Variants in UBASH3B observed in about 807,000 individuals in gnomAD.
The protein encoded by UBASH3B is ubiquitin-associated and SH3 domain-containing protein B.
Under a neutral mutation model 83.4 loss-of-function variants are expected in UBASH3B, and 37 were observed. The observed-to-expected ratio is 0.44, with a 90% CI of 0.34 to 0.58. UBASH3B has a LOEUF of 0.58. UBASH3B is among the 20% of genes least tolerant of loss of function. The pLI, the probability that UBASH3B is intolerant of heterozygous loss-of-function variation, is 0.01. For missense variants in UBASH3B, 657 were observed against 827.2 expected (o/e 0.79, Z 2.52); for synonymous variants, 304 against 318.3 (o/e 0.96, Z 0.48).
At chr11:122,798,760 T>C (rs925870164) in intron 9 of UBASH3B, among the ~76,000 whole-genome samples, 182 bp from the exon 10 acceptor site, 5 of 150,278 alleles carry the variant, frequency 3.3e-5, no homozygotes, top group African/African-American at 7.3e-5. Context: ...CTTGCTCTCA[T>C]AGGAACGCCG....
intron 1 of UBASH3B, among the ~76,000 whole-genome samples, chr11:122,656,477 C>T (rs1863365528): frequency 6.6e-6 from 1 of 152,084 alleles, no homozygotes; most frequent in African/African-American, 2.4e-5. Context: ...GTTCGAGTCC[C>T]GGGTATAGTG....
At chr11:122,767,070 G>A (rs979008947) in intron 1 of UBASH3B, among the ~76,000 whole-genome samples, 1 of 152,104 alleles carries the variant, frequency 6.6e-6, no homozygotes, top group African/African-American at 2.4e-5. Context: ...ACGAGGTCAC[G>A]AGATCGAGAC....
At chr11:122,703,228 G>A (rs551175041) in intron 1 of UBASH3B, among the ~76,000 whole-genome samples, 2 of 151,924 alleles carry the variant, frequency 1.3e-5, no homozygotes, top group African/African-American at 4.8e-5. Flanking sequence ...GAGATTGAGA[G>A]CATCCTGGCT....
At chr11:122,722,198 C>G (rs907461234) in intron 1 of UBASH3B, among the ~76,000 whole-genome samples, 4 of 152,178 alleles carry the variant, frequency 2.6e-5, no homozygotes, top group Non-Finnish European at 5.9e-5. Flanking sequence ...CTGAAGGCTG[C>G]CCTTGGTGGA....
At chr11:122,675,507 C>T (rs1863656131) in intron 1 of UBASH3B, among the ~76,000 whole-genome samples, 1 of 152,166 alleles carries the variant, frequency 6.6e-6, no homozygotes, top group African/African-American at 2.4e-5. Context: ...TGGTCTGAGA[C>T]CATGTGGCAT....
rs1357105303 is a variant in UBASH3B, at chr11:122,753,785, G to A, written c.162-22434G>A. On this transcript the variant is annotated intron_variant, in intron 1 of 13. Transcript: ENST00000284273. ...GCTGGGATTACAGGCGTGAGCCACC[G>A]TGCCCGGCCAACCCTGAGTTTCTTA... 3.9e-5 allele frequency among the ~76,000 whole-genome samples: 6 copies of A among 152,050 alleles called. No individual in the cohort carries two copies. In the East Asian group the frequency reaches 5.8e-4, roughly 15 times the overall value.
rs568912747 is a variant in UBASH3B, at chr11:122,768,470, ATGTGTGTGTGTG to A, written c.162-7721_162-7710del. ...AAGAAAAAGATAGAGATATATATGT[ATGTGTGTGTGTG>A]TGTGTGTGTGTGTGTGTGTGTGTGT... On this transcript the variant is annotated intron_variant, in intron 1 of 13. Transcript: ENST00000284273. 1.6e-3 allele frequency among the ~76,000 whole-genome samples: 226 copies of A among 140,140 alleles called. 1 individual carries two copies. The highest frequency in any genetic ancestry group is 5.9e-3 in the African/African-American group (216 of 36,732). 91.9% of individuals were successfully genotyped at this position (140,140 alleles called of 152,430 possible). A position where few individuals can be genotyped will look rare whatever the true frequency, so the allele number is the denominator to read the frequency against.
At chr11:122,742,702 A>G (rs551560163) in intron 1 of UBASH3B, among the ~76,000 whole-genome samples, 1 of 152,292 alleles carries the variant, frequency 6.6e-6, no homozygotes, top group Admixed American at 6.5e-5. Context: ...CATTGAGGCC[A>G]TTTTCCTTTG....
At position 122,789,191 on chromosome 11, in the gene UBASH3B, A is replaced by T. The variant is rs142091416; in HGVS notation, c.863A>T (p.Gln288Leu). Residue 288 changes from glutamine (Q) to leucine (L), a missense_variant, in exon 6 of 14, where the codon CAG becomes CTG. By Grantham distance (113) the Gln-to-Leu change is moderately radical. Coordinates refer to ENST00000284273, the MANE Select transcript of UBASH3B (RefSeq NM_032873.5). ...TTCATCTTCATGTCTCCAATGGAGC[A>T]GACCAGCACCAGCGAGGGTTGGATC... ...GDFIFMSPME[Q>L]TSTSEGWIYG... is the part of the protein sequence containing the mutation. The T allele has an allele frequency of 2.3e-5, 37 of 1,614,094 alleles. No homozygotes were observed. The highest frequency in any genetic ancestry group is 1.4e-5 in the Non-Finnish European group (16 of 1,180,056).
chr11:122,775,954 G>A (rs1368144449), intron 1 of UBASH3B: 2 of 385,454 alleles, frequency 5.2e-6, no homozygotes, highest in Admixed American at 9.7e-5. Context: ...AAACTCTAAT[G>A]TGGAAACTGC....
Position 122,807,723 on chromosome 11 carries a change from T to A in UBASH3B, c.1703-344T>A, listed in dbSNP as rs79227414. Among the ~76,000 whole-genome samples the A allele has an allele frequency of 8.9e-3, 1,351 of 152,146 alleles. 89 individuals carry two copies. The East Asian group carries it at 0.16, about 18-fold the overall frequency. On this transcript the variant is annotated intron_variant, in intron 12 of 13. Coordinates refer to ENST00000284273, the MANE Select transcript of UBASH3B (RefSeq NM_032873.5). ...AGGCCACCACACCCAGCTAATTTTT[T>A]AAAAATTTTCTATAGGGACAGGGTC...
chr11:122,675,535 G>A (rs752157233), intron 1 of UBASH3B, among the ~76,000 whole-genome samples: 3 of 152,216 alleles, frequency 2.0e-5, no homozygotes, highest in African/African-American at 7.2e-5. Flanking sequence ...TCAATGGACT[G>A]TGAGGTCAAA....
At position 122,759,515 on chromosome 11, in the gene UBASH3B, A is replaced by T. The variant is rs1245112255; in HGVS notation, c.162-16704A>T. 6.6e-6 allele frequency among the ~76,000 whole-genome samples: 1 copy of T among 152,218 alleles called. No individual in the cohort carries two copies. Among genetic ancestry groups the T allele is most frequent in the Non-Finnish European group, 1.5e-5 (1 of 68,044 alleles). ...AATAGTGATACAACCAACTCACCATAATGTAGAATGAGTGGGAGCCCTGAG... is the reference window on the plus strand; with the variant it reads ...AATAGTGATACAACCAACTCACCATTATGTAGAATGAGTGGGAGCCCTGAG... On this transcript the variant is annotated intron_variant, in intron 1 of 13. Transcript: ENST00000284273. The surrounding 1 kb of genome is among the most constrained non-coding windows in gnomAD (Gnocchi z 4.1).
rs1591338127 is a variant in UBASH3B, at chr11:122,813,945, G to C, written c.*4059G>C. The stretch of plus-strand genomic sequence containing the variant: ...AATAATAGTAGGATTGGTGTATGTA[G>C]GTTTAAAATTATAGTGATGACTAGT... On this transcript the variant is annotated 3_prime_UTR_variant, in exon 14 of 14. Transcript: ENST00000284273. 1.3e-5 allele frequency: 2 copies of C among 152,352 alleles called. No homozygotes were observed. Among genetic ancestry groups the C allele is most frequent in the East Asian group, 3.9e-4 (2 of 5,186 alleles). 9.4% of individuals were successfully genotyped at this position (152,352 alleles called of 1,614,324 possible).
intron 1 of UBASH3B, among the ~76,000 whole-genome samples, chr11:122,705,033 C>A (rs936844767): frequency 2.0e-5 from 3 of 152,198 alleles, no homozygotes; most frequent in African/African-American, 7.2e-5. Context: ...AGGCACTAAC[C>A]TGGCCAACAT....
chr11:122,741,627 G>T (rs1341475224), intron 1 of UBASH3B, among the ~76,000 whole-genome samples: 2 of 152,138 alleles, frequency 1.3e-5, no homozygotes, highest in East Asian at 3.9e-4. Context: ...TGCGTTATGA[G>T]GCCCCGTGAT....
intron 1 of UBASH3B, among the ~76,000 whole-genome samples, chr11:122,750,500 T>C (rs1861183201): frequency 6.6e-6 from 1 of 152,164 alleles, no homozygotes; most frequent in Non-Finnish European, 1.5e-5. Context: ...AAGTGACTGA[T>C]TATTTTACTC....
At chr11:122,796,715 AG>A (rs1404311057) in intron 8 of UBASH3B, among the ~76,000 whole-genome samples, 195 bp from the exon 9 acceptor site, 1 of 152,178 alleles carries the variant, frequency 6.6e-6, no homozygotes, top group African/African-American at 2.4e-5. Context: ...CACTTTTGTC[AG>A]TAGAATGGAA....
At chr11:122,729,912 G>C (rs73018236) in intron 1 of UBASH3B, among the ~76,000 whole-genome samples, 12,099 of 142,324 alleles carry the variant, frequency 0.085, 683 homozygotes, top group Non-Finnish European at 0.13. Flanking sequence ...ATGGGAGTTC[G>C]AGGCTGCAGT....
Sources: gnomAD v4.1 joint callset for allele counts (sites outside exome capture counted in the v4.1 genomes callset) on GRCh38, gnomAD v4.1.1 for gene constraint, Gnocchi (gnomAD v3.1) non-coding constraint, MANE v1.5 for transcripts, NCBI Gene and HGNC (gene_info 2026-07-23, HGNC 2026-07-21) for gene names.